The following LBX2 variants were observed in gnomAD, a reference collection of about 807,000 sequenced individuals.
The protein encoded by LBX2 is ladybird homeobox 2, also known as transcription factor LBX2.
In LBX2, 6 loss-of-function variants were observed where a neutral mutation model predicts 7.5. The ratio of observed to expected loss-of-function variants is 0.80; its 90% confidence interval spans 0.44 to 1.59. The LOEUF (loss-of-function observed/expected upper bound fraction) is 1.59, where lower values mean the gene tolerates loss of function less well. LBX2 is among the 40% of genes most tolerant of loss of function. The pLI is 0.01. For synonymous variants in LBX2, 143 were observed against 133.2 expected (o/e 1.07, Z -0.51); for missense variants, 281 against 282.0 (o/e 1.00, Z 0.03).
In LBX2 at chr2:74,499,219, G is replaced by A; in HGVS notation, c.205+114C>T. ...AGTCCTGGCACGTGGGCTGAGGACA[G>A]GGGAGGATTAGGGTGGGTGGCCTGG... On this transcript the variant is annotated intron_variant, in intron 1 of 1. Coordinates refer to ENST00000377566, the MANE Select transcript of LBX2 (RefSeq NM_001282430.2). This position sits in a 1 kb window ranked among gnomAD's most constrained non-coding sequence, Gnocchi z 4.6. 1.1e-6 allele frequency: 1 copy of A among 911,686 alleles called. No individual in the cohort carries two copies. 56.5% of individuals were successfully genotyped at this position (911,686 alleles called of 1,614,324 possible). A position where few individuals can be genotyped will look rare whatever the true frequency, so the allele number is the denominator to read the frequency against.
chr2:74,502,904 T>A (rs757097448), upstream of LBX2: 1 of 1,516,092 alleles, frequency 6.6e-7, no homozygotes, highest in South Asian at 1.2e-5. This position sits in a 1 kb window ranked among gnomAD's most constrained non-coding sequence, Gnocchi z 5.4. Flanking sequence ...GGACCCGTCC[T>A]CCTCTGTGCC....
chr2:74,499,281 G>A lies in LBX2; in HGVS notation c.205+52C>T. 1 of 1,443,564 alleles carries A rather than the reference G, an allele frequency of 6.9e-7. No homozygotes were observed. The highest frequency in any genetic ancestry group is 9.5e-7 in the Non-Finnish European group (1 of 1,050,164). 89.4% of individuals were successfully genotyped at this position (1,443,564 alleles called of 1,614,324 possible). ...GGTTTGAGACGGGGAACCAGGAGGA[G>A]AGAGGTGAGGAAAAGGCTAAGTCAG... On this transcript the variant is annotated intron_variant, in intron 1 of 1. Transcript: ENST00000377566. The surrounding 1 kb of genome is among the most constrained non-coding windows in gnomAD (Gnocchi z 4.6).
At position 74,499,510 on chromosome 2, in the gene LBX2, G is replaced by T; in HGVS notation, c.28C>A (p.Pro10Thr). Reference sequence around the variant, plus strand: ...TCTGCGATGCTTAAGAGTGTCCGGGGTGTTCGGGGCTCGCGTCCCGAGTTC... The same window carrying T: ...TCTGCGATGCTTAAGAGTGTCCGGGTTGTTCGGGGCTCGCGTCCCGAGTTC... MNSGREPRT[P>T]RTLLSIADIL... Residue 10 changes from proline to threonine, a missense_variant, in exon 1 of 2, where the codon CCC becomes ACC. By Grantham distance (38) the Pro-to-Thr change is conservative. Around this residue, in one of 3 missense-constraint regions of LBX2, gnomAD observed 216 missense variants for 208.7 expected, o/e 1.03. Coordinates refer to ENST00000377566, the MANE Select transcript of LBX2 (RefSeq NM_001282430.2). The surrounding 1 kb of genome is among the most constrained non-coding windows in gnomAD (Gnocchi z 4.6). 6.5e-7 allele frequency: 1 copy of T among 1,549,520 alleles called. No homozygotes were observed. Among genetic ancestry groups the T allele is most frequent in the South Asian group, 1.2e-5 (1 of 84,014 alleles).
chr2:74,499,055 A>C lies in LBX2; in HGVS notation c.205+278T>G. 2 of 516,506 alleles carry C rather than the reference A, an allele frequency of 3.9e-6. No individual in the cohort carries two copies. The highest frequency in any genetic ancestry group is 6.9e-6 in the Non-Finnish European group (2 of 290,522). The allele number at this position is 516,506 out of a possible 1,614,324, so 32.0% of individuals were successfully genotyped here. On this transcript the variant is annotated intron_variant, in intron 1 of 1. Coordinates refer to ENST00000377566, the MANE Select transcript of LBX2 (RefSeq NM_001282430.2). The surrounding 1 kb of genome is among the most constrained non-coding windows in gnomAD (Gnocchi z 4.6). ...TTCTCTCCTGCCTTTCTCTATCGCGATTGCCCCGCCTACAAGGAACAGAGC... is the reference window on the plus strand; with the variant it reads ...TTCTCTCCTGCCTTTCTCTATCGCGCTTGCCCCGCCTACAAGGAACAGAGC...
upstream of LBX2, chr2:74,499,818 C>A (rs772070091): frequency 2.4e-5 from 13 of 533,690 alleles, no homozygotes; most frequent in Non-Finnish European, 4.4e-5. This position sits in a 1 kb window ranked among gnomAD's most constrained non-coding sequence, Gnocchi z 4.6. Context: ...CACGGGGCTG[C>A]TCCGCGCTGC....
chr2:74,498,752 A>T, intron 1 of LBX2: 1 of 202,752 alleles, frequency 4.9e-6, no homozygotes. Flanking sequence ...CCTTCCATGG[A>T]TCGGGTCGGG....
chr2:74,499,257 G>GT lies in LBX2; in HGVS notation c.205+75dup. 3.7e-6 allele frequency: 5 copies of GT among 1,356,832 alleles called. No homozygotes were observed. The South Asian group carries it at 6.4e-5, about 17-fold the overall frequency. 84.0% of individuals were successfully genotyped at this position (1,356,832 alleles called of 1,614,324 possible). A position where few individuals can be genotyped will look rare whatever the true frequency, so the allele number is the denominator to read the frequency against. ...GTGGGTGGCCTGGGCTGGGACAAAG[G>GT]TTTGAGACGGGGAACCAGGAGGAGA... On this transcript the variant is annotated intron_variant, in intron 1 of 1. Coordinates refer to ENST00000377566, the MANE Select transcript of LBX2 (RefSeq NM_001282430.2). This position sits in a 1 kb window ranked among gnomAD's most constrained non-coding sequence, Gnocchi z 4.6.
chr2:74,499,404 A>G lies in LBX2; in HGVS notation c.134T>C (p.Leu45Pro). ...ACTAGTCAGCTCCTCCAGCGCGCAC[A>G]GCGGCGACGTTGGACCCGGACCCGA... The part of the protein sequence containing the change: ...PESGPGPTSP[L>P]CALEELTSKT... Residue 45 changes from leucine to proline, a missense_variant, in exon 1 of 2, where the codon CTG becomes CCG. This residue lies in a region of LBX2 where 216 missense variants were observed against 208.7 expected (regional missense o/e 1.03). Coordinates refer to ENST00000377566, the MANE Select transcript of LBX2 (RefSeq NM_001282430.2). This position sits in a 1 kb window ranked among gnomAD's most constrained non-coding sequence, Gnocchi z 4.6. The G allele has an allele frequency of 6.4e-7, 1 of 1,550,624 alleles. No individual in the cohort carries two copies. The highest frequency in any genetic ancestry group is 8.7e-7 in the Non-Finnish European group (1 of 1,147,000).
chr2:74,502,762 C>A (rs771948590), upstream of LBX2: 6 of 1,614,116 alleles, frequency 3.7e-6, no homozygotes, highest in Non-Finnish European at 4.2e-6. The surrounding 1 kb of genome is among the most constrained non-coding windows in gnomAD (Gnocchi z 5.4). Flanking sequence ...GCGTGCGGGC[C>A]GGGAAGCAGC....
At position 74,499,089 on chromosome 2, in the gene LBX2, G is replaced by A; in HGVS notation, c.205+244C>T. The A allele has an allele frequency of 3.4e-6, 2 of 583,196 alleles. No homozygotes were observed. The highest frequency in any genetic ancestry group is 6.1e-6 in the Non-Finnish European group (2 of 326,928). The allele number at this position is 583,196 out of a possible 1,614,324, so 36.1% of individuals were successfully genotyped here. On this transcript the variant is annotated intron_variant, in intron 1 of 1. Coordinates refer to ENST00000377566, the MANE Select transcript of LBX2 (RefSeq NM_001282430.2). The surrounding 1 kb of genome is among the most constrained non-coding windows in gnomAD (Gnocchi z 4.6). ...CCTACAAGGAACAGAGCAACAGGTC[G>A]CTCAGTTGGCGACGGTCTGCCCTTT...
rs1674442248 is a variant in LBX2, at chr2:74,499,592, C to G, written c.-55G>C. 2.0e-6 allele frequency: 3 copies of G among 1,509,178 alleles called. No individual in the cohort carries two copies. The highest frequency in any genetic ancestry group is 2.0e-5 in the Admixed American group (1 of 49,328). 93.5% of individuals were successfully genotyped at this position (1,509,178 alleles called of 1,614,324 possible). A position where few individuals can be genotyped will look rare whatever the true frequency, so the allele number is the denominator to read the frequency against. The stretch of plus-strand genomic sequence containing the variant: ...CCGTTGCGCTAGGCTCCGCAAACGC[C>G]TGGGCCCCAGTGCTCGGCTCCCAAT... On this transcript the variant is annotated 5_prime_UTR_variant, in exon 1 of 2. Coordinates refer to ENST00000377566, the MANE Select transcript of LBX2 (RefSeq NM_001282430.2). The surrounding 1 kb of genome is among the most constrained non-coding windows in gnomAD (Gnocchi z 4.6).
chr2:74,502,498 G>A (rs1674515167), upstream of LBX2: 1 of 663,092 alleles, frequency 1.5e-6, no homozygotes, highest in Non-Finnish European at 2.6e-6. This position sits in a 1 kb window ranked among gnomAD's most constrained non-coding sequence, Gnocchi z 5.4. Flanking sequence ...CCACCCTTAG[G>A]AAACGTCCGT....
chr2:74,503,060 CG>C, upstream of LBX2: 1 of 540,614 alleles, frequency 1.8e-6, no homozygotes, highest in Non-Finnish European at 3.2e-6. This position sits in a 1 kb window ranked among gnomAD's most constrained non-coding sequence, Gnocchi z 5.1. Context: ...CGAGTGCGTC[CG>C]GGGGTGCAGA....
At chr2:74,503,004 G>A (rs535290010), upstream of LBX2, 8 of 690,630 alleles carry the variant, frequency 1.2e-5, no homozygotes, top group East Asian at 8.8e-5. The surrounding 1 kb of genome is among the most constrained non-coding windows in gnomAD (Gnocchi z 5.1). Context: ...GCAAGGTTTG[G>A]CCCTCAGGCG....
Position 74,499,410 on chromosome 2 carries a change from G to A in LBX2, c.128C>T (p.Ser43Leu), listed in dbSNP as rs1187448376. 1.3e-6 allele frequency: 2 copies of A among 1,550,526 alleles called. No individual in the cohort carries two copies. Among genetic ancestry groups the A allele is most frequent in the East Asian group, 2.4e-5 (1 of 40,944 alleles). Reference sequence around the variant, plus strand: ...CAGCTCCTCCAGCGCGCACAGCGGCGACGTTGGACCCGGACCCGACTCTGG... The same window carrying A: ...CAGCTCCTCCAGCGCGCACAGCGGCAACGTTGGACCCGGACCCGACTCTGG... Reference protein sequence around the residue: ...QLPESGPGPTSPLCALEELTS... With the variant: ...QLPESGPGPTLPLCALEELTS... Residue 43 changes from serine (S) to leucine (L), a missense_variant, in exon 1 of 2, where the codon TCG becomes TTG. Transcript: ENST00000377566. The surrounding 1 kb of genome is among the most constrained non-coding windows in gnomAD (Gnocchi z 4.6).
chr2:74,499,212 G>T lies in LBX2; in HGVS notation c.205+121C>A. ...AGGTGCGAGTCCTGGCACGTGGGCT[G>T]AGGACAGGGGAGGATTAGGGTGGGT... is the stretch of plus-strand genomic sequence containing the variant. On this transcript the variant is annotated intron_variant, in intron 1 of 1. Coordinates refer to ENST00000377566, the MANE Select transcript of LBX2 (RefSeq NM_001282430.2). The surrounding 1 kb of genome is among the most constrained non-coding windows in gnomAD (Gnocchi z 4.6). 1.2e-6 allele frequency: 1 copy of T among 849,666 alleles called. No homozygotes were observed. Among genetic ancestry groups the T allele is most frequent in the Non-Finnish European group, 1.9e-6 (1 of 532,902 alleles). 52.6% of individuals were successfully genotyped at this position (849,666 alleles called of 1,614,324 possible).
At chr2:74,502,458 A>G (rs1051260043), upstream of LBX2, 8 of 587,950 alleles carry the variant, frequency 1.4e-5, no homozygotes, top group African/African-American at 9.4e-5. The surrounding 1 kb of genome is among the most constrained non-coding windows in gnomAD (Gnocchi z 5.4). Context: ...GACAAGGACA[A>G]TCTCAGCGAA....
In LBX2 at chr2:74,497,631, G is replaced by A; in HGVS notation, c.*296C>T. Reference sequence around the variant, plus strand: ...AAATTAGCCTGGGGTGGTGCTGCACGCCTGTAATGCCAGCTAGTCGGGAGG... The same window carrying A: ...AAATTAGCCTGGGGTGGTGCTGCACACCTGTAATGCCAGCTAGTCGGGAGG... On this transcript the variant is annotated 3_prime_UTR_variant, in exon 2 of 2. Transcript: ENST00000377566. 1 of 342,516 alleles carries A rather than the reference G, an allele frequency of 2.9e-6. No homozygotes were observed. Among genetic ancestry groups the A allele is most frequent in the Middle Eastern group, 7.6e-4 (1 of 1,312 alleles). 21.2% of individuals were successfully genotyped at this position (342,516 alleles called of 1,614,324 possible).
intron 1 of LBX2, 75 bp from the exon 2 acceptor site, chr2:74,498,393 G>A: frequency 3.1e-6 from 4 of 1,296,286 alleles, no homozygotes; most frequent in Non-Finnish European, 4.1e-6. Flanking sequence ...GTTGGGGGTG[G>A]GGTCGGGCCG....
Sources: gnomAD v4.1 joint callset for allele counts on GRCh38, gnomAD v4.1.1 for gene constraint, gnomAD v4.1.1 regional missense constraint, Gnocchi (gnomAD v3.1) non-coding constraint, MANE v1.5 for transcripts, NCBI Gene and HGNC (gene_info 2026-07-23, HGNC 2026-07-21) for gene names.